FBXL20: variants seen among roughly 807,000 people sequenced by gnomAD.
The protein encoded by FBXL20 is F-box/LRR-repeat protein 20.
A neutral mutation model predicts 64.0 loss-of-function variants in FBXL20; 11 were observed. The ratio of observed to expected loss-of-function variants is 0.17; its 90% confidence interval spans 0.11 to 0.28. The LOEUF (loss-of-function observed/expected upper bound fraction) is 0.28. Among genes scored for constraint, FBXL20 ranks in the 10% least tolerant of loss-of-function variants. The pLI is 1.00. For missense variants in FBXL20, 303 were observed against 526.2 expected, an observed-to-expected ratio of 0.58 and a Z score of 4.15; for synonymous variants, 184 against 189.0, an observed-to-expected ratio of 0.97 and a Z score of 0.22.
chr17:39,393,180 T>G (rs1477284749), intron 1 of FBXL20, among the ~76,000 whole-genome samples: 2 of 151,216 alleles, frequency 1.3e-5, no homozygotes, highest in African/African-American at 4.9e-5. Context: ...TCCCAGCTAC[T>G]CAGGAGGCTG....
chr17:39,360,955 T>C (rs1239138442), intron 1 of FBXL20, among the ~76,000 whole-genome samples: 2 of 152,304 alleles, frequency 1.3e-5, no homozygotes, highest in African/African-American at 4.8e-5. Flanking sequence ...TTTTCCCAGA[T>C]TCTAGTAGCA....
rs2047131674 is a variant in FBXL20 at position 39,301,222 on chromosome 17, G to A, written c.160-147C>T. ...CTATCCACTTACTCCCAAATGATGT[G>A]TCTTACTCCTGACCCATATTGTATT... is the stretch of plus-strand genomic sequence containing the variant. On this transcript the variant is annotated intron_variant, in intron 3 of 14. Transcript: ENST00000264658. The A allele has an allele frequency of 4.6e-6, 3 of 651,360 alleles. 1 individual carries two copies. The highest frequency in any genetic ancestry group is 3.6e-5 in the South Asian group (2 of 54,878). The allele number at this position is 651,360 out of a possible 1,614,324, so 40.3% of individuals were successfully genotyped here.
At chr17:39,331,305 TAGTC>T (rs1278201067) in intron 2 of FBXL20, among the ~76,000 whole-genome samples, 1 of 152,208 alleles carries the variant, frequency 6.6e-6, no homozygotes, top group Non-Finnish European at 1.5e-5. Flanking sequence ...TTTACCATGT[TAGTC>T]AGGCTGGTCT....
At chr17:39,392,024 G>C (rs2048138526) in intron 1 of FBXL20, among the ~76,000 whole-genome samples, 1 of 152,076 alleles carries the variant, frequency 6.6e-6, no homozygotes, top group Admixed American at 6.6e-5. Context: ...AGTAATCCCA[G>C]CTATCGGGAG....
rs532442348 is a variant in FBXL20, at chr17:39,269,343, G to A, written c.889-472C>T. Among the ~76,000 whole-genome samples the A allele has an allele frequency of 1.6e-4, 24 of 151,930 alleles. 1 individual carries two copies. In the South Asian group the frequency reaches 3.5e-3, roughly 22 times the overall value. ...TGAGTAGCTGGGACTACAGGCGCCC[G>A]CCACCACGCCTGGCTAATTTTTTGC... On this transcript the variant is annotated intron_variant, in intron 11 of 14. Coordinates refer to ENST00000264658, the MANE Select transcript of FBXL20 (RefSeq NM_032875.3).
chr17:39,336,367 C>CA (rs1263766707), intron 2 of FBXL20, among the ~76,000 whole-genome samples: 4 of 152,076 alleles, frequency 2.6e-5, no homozygotes, highest in Admixed American at 1.3e-4. Context: ...CACAGAAACT[C>CA]AAAAGACACA....
At chr17:39,286,837 C>G (rs1478879694) in intron 6 of FBXL20, among the ~76,000 whole-genome samples, 1 of 151,398 alleles carries the variant, frequency 6.6e-6, no homozygotes, top group African/African-American at 2.4e-5. Context: ...TTCTTCCCCC[C>G]TTTTTTATTC....
chr17:39,273,674 G>T (rs1245426924), intron 10 of FBXL20, among the ~76,000 whole-genome samples: 3 of 151,960 alleles, frequency 2.0e-5, no homozygotes, highest in Admixed American at 1.3e-4. Context: ...ACAAAAATTA[G>T]CTGGGTGTGG....
intron 2 of FBXL20, among the ~76,000 whole-genome samples, chr17:39,315,868 A>AGAGAGAGAGAGC (rs368094288): frequency 8.5e-4 from 123 of 144,588 alleles, no homozygotes; most frequent in Non-Finnish European, 1.1e-3. Flanking sequence ...AGAGAGAGAG[A>AGAGAGAGAGAGC]GAGCAACTGT....
chr17:39,264,942 TACA>T (rs2046778392), intron 13 of FBXL20, among the ~76,000 whole-genome samples: 2 of 152,192 alleles, frequency 1.3e-5, no homozygotes, highest in African/African-American at 4.8e-5. Context: ...TGAGCCTGGA[TACA>T]ACAGAACAGT....
At chr17:39,388,889 G>A (rs988838097) in intron 1 of FBXL20, among the ~76,000 whole-genome samples, 7 of 149,572 alleles carry the variant, frequency 4.7e-5, no homozygotes, top group Admixed American at 4.6e-4. Context: ...AGTACCTGAG[G>A]TCAGGAGTTC....
intron 6 of FBXL20, among the ~76,000 whole-genome samples, chr17:39,291,055 G>A (rs867658107): frequency 9.2e-5 from 14 of 151,440 alleles, no homozygotes; most frequent in East Asian, 7.8e-4. Flanking sequence ...TCCGCCTCCC[G>A]GGTTCATGCC....
Position 39,261,488 on chromosome 17 carries a change from C to T in FBXL20, c.1283G>A (p.Arg428His), listed in dbSNP as rs754689955. Residue 428 changes from arginine to histidine, a missense_variant, in exon 15 of 15, where the codon CGC (arginine) becomes CAC (histidine). By Grantham distance (29) the Arg-to-His change is conservative. Coordinates refer to ENST00000264658, the MANE Select transcript of FBXL20 (RefSeq NM_032875.3). ...TAGGATGATGCAGCATCTGCAGAAG[C>T]GCTGTCTGCTGCCCCCTACTGATGG... ...PPPSVGGSRQ[R>H]FCRCCIIL The T allele has an allele frequency of 1.2e-6, 2 of 1,613,890 alleles. No individual in the cohort carries two copies. The highest frequency in any genetic ancestry group is 1.7e-6 in the Non-Finnish European group (2 of 1,179,784).
intron 1 of FBXL20, among the ~76,000 whole-genome samples, chr17:39,353,645 A>G (rs1032006473): frequency 9.0e-5 from 10 of 110,788 alleles, no homozygotes; most frequent in Non-Finnish European, 1.6e-4. Context: ...TTTATTTGAG[A>G]CAGAGTCTCA....
intron 1 of FBXL20, among the ~76,000 whole-genome samples, chr17:39,389,830 T>C (rs1194455179): frequency 1.3e-5 from 2 of 152,000 alleles, no homozygotes; most frequent in Non-Finnish European, 2.9e-5. Context: ...AATAAACAAA[T>C]AAATAAATAA....
At chr17:39,282,946 T>C (rs1018081915) in intron 7 of FBXL20, 91 bp from the exon 8 acceptor site, 3 of 1,461,430 alleles carry the variant, frequency 2.1e-6, no homozygotes, top group African/African-American at 2.8e-5. Context: ...AGTAAAGGAA[T>C]GGAAACATTC....
chr17:39,388,923 GA>G (rs1322627254), intron 1 of FBXL20, among the ~76,000 whole-genome samples: 4 of 149,916 alleles, frequency 2.7e-5, no homozygotes. Context: ...CCAACATAAT[GA>G]AACCCCCATC....
chr17:39,374,507 C>T (rs2047948706), intron 1 of FBXL20, among the ~76,000 whole-genome samples: 1 of 151,722 alleles, frequency 6.6e-6, no homozygotes, highest in Non-Finnish European at 1.5e-5. Flanking sequence ...CACCAGTGCA[C>T]TCCAGCCAAG....
At chr17:39,285,692 C>A (rs2046983090) in intron 6 of FBXL20, 119 bp from the exon 7 acceptor site, 4 of 469,694 alleles carry the variant, frequency 8.5e-6, no homozygotes, top group Non-Finnish European at 1.4e-5. Flanking sequence ...AATTTTCATA[C>A]CCCTAAAAAA....
Sources: gnomAD v4.1 joint callset for allele counts (sites outside exome capture counted in the v4.1 genomes callset) on GRCh38, gnomAD v4.1.1 for gene constraint, MANE v1.5 for transcripts, NCBI Gene and HGNC (gene_info 2026-07-23, HGNC 2026-07-21) for gene names.